FLI1: variants seen among roughly 807,000 people sequenced by gnomAD.
FLI1 encodes the protein Fli-1 proto-oncogene, ETS transcription factor.
A neutral mutation model predicts 53.1 loss-of-function variants in FLI1; 13 were observed. That is an observed-to-expected ratio of 0.24 (90% CI 0.16 to 0.39). FLI1 has a LOEUF of 0.39. FLI1 is among the 10% of genes least tolerant of loss of function. The pLI, the probability that FLI1 is intolerant of heterozygous loss-of-function variation, is 1.00. For synonymous variants in FLI1, 244 were observed against 236.7 expected (o/e 1.03, Z -0.28); for missense variants, 424 against 600.5 (o/e 0.71, Z 3.07).
intron 5 of FLI1, among the ~76,000 whole-genome samples, chr11:128,803,045 A>T (rs1942677677): frequency 6.6e-6 from 1 of 152,262 alleles, no homozygotes; most frequent in Non-Finnish European, 1.5e-5. Context: ...TGAGCAGAAA[A>T]AAATGTTTAG....
intron 1 of FLI1, among the ~76,000 whole-genome samples, chr11:128,753,937 T>C (rs1940754600): frequency 6.6e-6 from 1 of 151,942 alleles, no homozygotes; most frequent in African/African-American, 2.4e-5. Flanking sequence ...CAAAAAGGGG[T>C]GCCGTTTATT....
chr11:128,714,172 G>C (rs567490145), intron 1 of FLI1, among the ~76,000 whole-genome samples: 1 of 148,550 alleles, frequency 6.7e-6, no homozygotes, highest in Admixed American at 6.7e-5. Flanking sequence ...TGAAAGCTCT[G>C]GGTTTCAACT....
chr11:128,783,448 T>G (rs903331372), intron 5 of FLI1, among the ~76,000 whole-genome samples: 1 of 152,260 alleles, frequency 6.6e-6, no homozygotes, highest in African/African-American at 2.4e-5. Flanking sequence ...CCTTCTCTCC[T>G]ATCCCACCCT....
intron 1 of FLI1, among the ~76,000 whole-genome samples, chr11:128,707,055 G>A (rs955072552): frequency 6.6e-6 from 1 of 152,146 alleles, no homozygotes; most frequent in South Asian, 2.1e-4. Context: ...GACTGTGAGG[G>A]GGTTATGGGC....
intron 5 of FLI1, among the ~76,000 whole-genome samples, chr11:128,802,720 G>A (rs1255886747): frequency 1.3e-5 from 2 of 152,220 alleles, no homozygotes; most frequent in Admixed American, 6.5e-5. Context: ...TAAGGCCCTG[G>A]GGCACCACAG....
At chr11:128,742,453 CT>C (rs908846812) in intron 1 of FLI1, among the ~76,000 whole-genome samples, 1 of 152,194 alleles carries the variant, frequency 6.6e-6, no homozygotes, top group African/African-American at 2.4e-5. Context: ...CCAGAGTGAC[CT>C]TTGCATGTTT....
intron 1 of FLI1, among the ~76,000 whole-genome samples, chr11:128,709,129 T>A (rs575986477): frequency 6.6e-6 from 1 of 152,328 alleles, no homozygotes; most frequent in African/African-American, 2.4e-5. Flanking sequence ...GGTCAGATAA[T>A]AACTTCTCCA....
At chr11:128,734,356 G>A (rs1320932688) in intron 1 of FLI1, among the ~76,000 whole-genome samples, 2 of 152,212 alleles carry the variant, frequency 1.3e-5, no homozygotes, top group African/African-American at 4.8e-5. Context: ...GATGGAAGAA[G>A]GCTATTCTCG....
intron 3 of FLI1, among the ~76,000 whole-genome samples, chr11:128,770,568 C>T (rs1433159081): frequency 2.0e-5 from 3 of 152,090 alleles, no homozygotes; most frequent in South Asian, 2.1e-4. Context: ...TAGCATGATC[C>T]AGAGTTGAAG....
chr11:128,788,394 G>A (rs1019855226), intron 5 of FLI1, among the ~76,000 whole-genome samples: 1 of 152,040 alleles, frequency 6.6e-6, no homozygotes, highest in Non-Finnish European at 1.5e-5. Context: ...GCTTGAACCC[G>A]GGAGGCGGAG....
At chr11:128,694,521 C>T (rs1441047374) in intron 1 of FLI1, among the ~76,000 whole-genome samples, 3 of 124,820 alleles carry the variant, frequency 2.4e-5, no homozygotes, top group Admixed American at 8.0e-5. Context: ...GCCCCGGCCC[C>T]CCTCCCACCT....
At chr11:128,726,140 A>T (rs901071030) in intron 1 of FLI1, among the ~76,000 whole-genome samples, 1 of 151,796 alleles carries the variant, frequency 6.6e-6, no homozygotes, top group African/African-American at 2.4e-5. Flanking sequence ...CTCTCCATCC[A>T]CTCAGAAGCT....
At chr11:128,702,077 G>A (rs1317556280) in intron 1 of FLI1, among the ~76,000 whole-genome samples, 1 of 152,188 alleles carries the variant, frequency 6.6e-6, no homozygotes, top group East Asian at 1.9e-4. Context: ...TACAGTCTAT[G>A]GAAAAGCGTA....
chr11:128,781,377 G>T (rs2246291), intron 4 of FLI1, among the ~76,000 whole-genome samples: 1 of 152,098 alleles, frequency 6.6e-6, no homozygotes, highest in East Asian at 1.9e-4. Context: ...CCATGGCAAA[G>T]TACAAGCTGC....
In FLI1 at chr11:128,812,255, AT is replaced by A. The variant is rs1431311348; in HGVS notation, c.*1271del. On this transcript the variant is annotated 3_prime_UTR_variant, in exon 9 of 9. Coordinates refer to ENST00000527786, the MANE Select transcript of FLI1 (RefSeq NM_002017.5). ...AAACTTTCCCTTGTGGAGAGGAGGG[AT>A]TTTCCTGCTCTATATAAGCAACATA... The A allele has an allele frequency of 9.1e-6, 2 of 219,718 alleles. No individual in the cohort carries two copies. Among genetic ancestry groups the A allele is most frequent in the Non-Finnish European group, 1.8e-5 (2 of 109,462 alleles). 13.6% of individuals were successfully genotyped at this position (219,718 alleles called of 1,614,324 possible).
intron 1 of FLI1, among the ~76,000 whole-genome samples, chr11:128,702,457 C>T (rs1938373557): frequency 6.6e-6 from 1 of 152,234 alleles, no homozygotes; most frequent in South Asian, 2.1e-4. Context: ...ATTGCCCCTT[C>T]ACCCTTGGTG....
chr11:128,722,118 C>A (rs1209133937), intron 1 of FLI1, among the ~76,000 whole-genome samples: 1 of 152,196 alleles, frequency 6.6e-6, no homozygotes, highest in East Asian at 1.9e-4. Flanking sequence ...CATGGGTTCA[C>A]TCCTTTGAAC....
chr11:128,717,292 AGAG>A (rs1450738197), intron 1 of FLI1, among the ~76,000 whole-genome samples: 2 of 152,172 alleles, frequency 1.3e-5, no homozygotes, highest in Non-Finnish European at 2.9e-5. Context: ...GTGTAAGGAG[AGAG>A]GAGATTCCCA....
chr11:128,705,676 TG>T (rs1258248309), intron 1 of FLI1, among the ~76,000 whole-genome samples: 1 of 152,208 alleles, frequency 6.6e-6, no homozygotes, highest in African/African-American at 2.4e-5. Context: ...CAAGGCTGAT[TG>T]ACTTATAACT....
Sources: allele counts gnomAD v4.1 joint callset (sites outside exome capture counted in the v4.1 genomes callset), GRCh38; gene constraint gnomAD v4.1.1; transcripts MANE v1.5; gene names NCBI Gene and HGNC (gene_info 2026-07-23, HGNC 2026-07-21).